Variants in PZP observed in about 807,000 individuals in gnomAD.
The protein encoded by PZP is pregnancy zone protein.
A neutral mutation model predicts 179.8 loss-of-function variants in PZP; 150 were observed. The observed-to-expected ratio is 0.83, with a 90% CI of 0.73 to 0.96. The LOEUF is 0.96. Among genes scored for constraint, PZP ranks in the 40% least tolerant of loss-of-function variants. The pLI is 0.00. For missense variants in PZP, 1,689 were observed against 1,764.0 expected (o/e 0.96, Z 0.76); for synonymous variants, 624 against 652.3 (o/e 0.96, Z 0.66).
intron 19 of PZP, 132 bp downstream of exon 19, chr12:9,165,007 G>T: frequency 1.8e-6 from 2 of 1,100,802 alleles, no homozygotes; most frequent in South Asian, 1.5e-5. Context: ...GCTTTGCATA[G>T]CACTAATTAT....
In PZP at chr12:9,165,168, C is replaced by T. The variant is rs1941493589; in HGVS notation, c.2458G>A (p.Val820Ile). ...RGEVFTLKAT[V>I]LNYLPKCIRV... Reference sequence around the variant, plus strand: ...ATGCATTTGGGAAGGTAGTTTAGGACCGTGGCCTTGAGTGTGAAGACCTCT... The same window carrying T: ...ATGCATTTGGGAAGGTAGTTTAGGATCGTGGCCTTGAGTGTGAAGACCTCT... Residue 820 changes from valine to isoleucine, a missense_variant, in exon 19 of 36, where the codon GTC becomes ATC. Physicochemically the swap from Val to Ile is conservative, Grantham distance 29. This residue lies in a region of PZP where 201 missense variants were observed against 284.2 expected (regional missense o/e 0.71). Coordinates refer to ENST00000261336, the MANE Select transcript of PZP (RefSeq NM_002864.3). 6.2e-7 allele frequency: 1 copy of T among 1,614,104 alleles called. No homozygotes were observed. The highest frequency in any genetic ancestry group is 8.5e-7 in the Non-Finnish European group (1 of 1,179,966).
At chr12:9,142,882 T>C in the PZP span, among the ~76,000 whole-genome samples, 1 of 152,224 alleles carries the variant, frequency 6.6e-6, no homozygotes, top group Admixed American at 6.5e-5. Context: ...TTGTGGCAAC[T>C]TTTCTGTTTT....
In PZP at chr12:9,192,679, C is replaced by A; in HGVS notation, c.1315G>T (p.Gly439Cys). The change falls in exon 12 of 36, where the codon GGT becomes TGT. Residue 439 changes from glycine to cysteine, a missense_variant. This residue lies in a region of PZP where 742 missense variants were observed against 730.5 expected (regional missense o/e 1.02). Transcript: ENST00000261336. ...HYSWVAEDHQ[G>C]AQHTANRVFS... ...ACACGATTTGCAGTGTGCTGAGCAC[C>A]CTGGTGGTCTTCTGCTACCCATGAA... is the stretch of plus-strand genomic sequence containing the variant. 1.2e-6 allele frequency: 2 copies of A among 1,613,946 alleles called. No homozygotes were observed. The highest frequency in any genetic ancestry group is 1.7e-6 in the Non-Finnish European group (2 of 1,179,826).
Position 9,197,683 on chromosome 12 carries a change from A to G in PZP, c.756-560T>C, listed in dbSNP as rs1377548367. Among the ~76,000 whole-genome samples, 7 of 96,732 alleles carry G rather than the reference A, an allele frequency of 7.2e-5. 1 individual carries two copies. Among genetic ancestry groups the G allele is most frequent in the Non-Finnish European group, 1.3e-4 (7 of 54,026 alleles). The allele number at this position is 96,732 out of a possible 152,430, so 63.5% of individuals were successfully genotyped here. On this transcript the variant is annotated intron_variant, in intron 7 of 35. Coordinates refer to ENST00000261336, the MANE Select transcript of PZP (RefSeq NM_002864.3). ...AAAATTATTATATATATTATACAATACATAATATATATAATTATATATTAT... is the reference window on the plus strand; with the variant it reads ...AAAATTATTATATATATTATACAATGCATAATATATATAATTATATATTAT...
At chr12:9,159,589 C>T (rs933393770) in intron 25 of PZP, among the ~76,000 whole-genome samples, 2 of 151,686 alleles carry the variant, frequency 1.3e-5, no homozygotes, top group Admixed American at 6.6e-5. Flanking sequence ...CTGGTGGCTT[C>T]ATAAGAAGAG....
downstream of PZP, among the ~76,000 whole-genome samples, chr12:9,145,309 AT>A (rs1221605190): frequency 6.6e-6 from 1 of 151,648 alleles, no homozygotes; most frequent in African/African-American, 2.4e-5. Flanking sequence ...ATATACTTTG[AT>A]TTTTAAATCT....
At chr12:9,197,647 T>C in intron 7 of PZP, among the ~76,000 whole-genome samples, 1 of 99,488 alleles carries the variant, frequency 1.0e-5, no homozygotes, top group East Asian at 2.5e-4. Context: ...TTATATTATA[T>C]AATATAATAT....
rs1348936037 is a variant in PZP at position 9,163,447 on chromosome 12, C to T, written c.2736+221G>A. 5.9e-5 allele frequency among the ~76,000 whole-genome samples: 8 copies of T among 135,808 alleles called. No individual in the cohort carries two copies. The East Asian group carries it at 1.3e-3, about 22-fold the overall frequency. 89.1% of individuals were successfully genotyped at this position (135,808 alleles called of 152,430 possible). A position where few individuals can be genotyped will look rare whatever the true frequency, so the allele number is the denominator to read the frequency against. On this transcript the variant is annotated intron_variant, in intron 21 of 35. Transcript: ENST00000261336. ...CAGCCTGTGCAACAGAGCAAAACTC[C>T]GTCTCAAAAAAAAAAAAGGAAATTG...
intron 34 of PZP, 64 bp from the exon 35 acceptor site, chr12:9,149,666 C>G: frequency 6.5e-7 from 1 of 1,533,398 alleles, no homozygotes; most frequent in Non-Finnish European, 8.9e-7. Context: ...CATGCTAAAT[C>G]TGTCTAGTCA....
the PZP span, among the ~76,000 whole-genome samples, chr12:9,142,699 A>G: frequency 6.6e-6 from 1 of 152,214 alleles, no homozygotes; most frequent in African/African-American, 2.4e-5. Flanking sequence ...TAATTTTCCA[A>G]TTGGATTATT....
At chr12:9,139,662 C>T in the PZP span, among the ~76,000 whole-genome samples, 1 of 151,992 alleles carries the variant, frequency 6.6e-6, no homozygotes, top group Admixed American at 6.5e-5. Context: ...TTGAATTGAC[C>T]CTTTTATCAT....
rs767775371 is a variant in PZP at position 9,202,681 on chromosome 12, G to A, written c.271C>T (p.Pro91Ser). The A allele has an allele frequency of 1.9e-6, 3 of 1,612,980 alleles. No homozygotes were observed. Among genetic ancestry groups the A allele is most frequent in the East Asian group, 4.5e-5 (2 of 44,878 alleles). Residue 91 changes from proline to serine, a missense_variant, in exon 3 of 36, where the codon CCA (proline) becomes TCA (serine). Transcript: ENST00000261336. ...DLFHCVSFTL[P>S]RISASSEVAF... ...ACCTCTGAAGAGGCTGAGATCCTTG[G>A]GAGCTAAAAAGCAAAGGATTTTTTA... is the stretch of plus-strand genomic sequence containing the variant.
intron 14 of PZP, 84 bp downstream of exon 14, chr12:9,181,891 G>A: frequency 2.8e-6 from 4 of 1,450,804 alleles, no homozygotes; most frequent in Non-Finnish European, 3.7e-6. Flanking sequence ...TACTTTTCTG[G>A]ACTTAGTTTT....
chr12:9,197,046 T>C lies in PZP; in HGVS notation c.833A>G (p.Asp278Gly), dbSNP rs1478374078. The change falls in exon 8 of 36, where the codon GAC becomes GGC. Residue 278 changes from aspartate (D) to glycine (G), a missense_variant. Transcript: ENST00000261336. ...CRKLSRVLNC[D>G]KQEVCEEFSQ... ...GAATTCCTCACAGACCTCCTGCTTGTCACAATTAAGAACACGAGATAATTT... is the reference window on the plus strand; with the variant it reads ...GAATTCCTCACAGACCTCCTGCTTGCCACAATTAAGAACACGAGATAATTT... 6.2e-7 allele frequency: 1 copy of C among 1,613,512 alleles called. No individual in the cohort carries two copies. The highest frequency in any genetic ancestry group is 8.5e-7 in the Non-Finnish European group (1 of 1,179,698).
chr12:9,164,414 A>G (rs1941440101), intron 19 of PZP, among the ~76,000 whole-genome samples, 155 bp from the exon 20 acceptor site: 1 of 152,246 alleles, frequency 6.6e-6, no homozygotes, highest in Non-Finnish European at 1.5e-5. Flanking sequence ...GAAGCATGGC[A>G]ATGGCAATGA....
rs755733989 is a variant in PZP at position 9,165,302 on chromosome 12, G to T, written c.2324C>A (p.Ala775Asp). ...TCCAGCATCTTCGGACAGGCAGAAG[G>T]CCCCTGCCTTCCACTCGGTGATGGT... ...PDTITEWKAGAFCLSEDAGLG... is the reference protein window; with the variant it reads ...PDTITEWKAGDFCLSEDAGLG... Residue 775 changes from alanine (A) to aspartate (D), a missense_variant, in exon 19 of 36, where the codon GCC (alanine) becomes GAC (aspartate). This residue lies in a region of PZP where 201 missense variants were observed against 284.2 expected (regional missense o/e 0.71). Transcript: ENST00000261336. 5.6e-6 allele frequency: 9 copies of T among 1,614,120 alleles called. No individual in the cohort carries two copies. Among genetic ancestry groups the T allele is most frequent in the South Asian group, 2.2e-5 (2 of 91,078 alleles).
chr12:9,165,289 G>A lies in PZP; in HGVS notation c.2337C>T (p.Ser779=), dbSNP rs2277412. 652,207 of 1,594,002 alleles carry A rather than the reference G, an allele frequency of 0.41. 138,936 individuals are homozygous for A. The highest frequency in any genetic ancestry group is 0.46 in the East Asian group (20,463 of 44,590). ...AAGAGATACCAAGTCCAGCATCTTCGGACAGGCAGAAGGCCCCTGCCTTCC... is the reference window on the plus strand; with the variant it reads ...AAGAGATACCAAGTCCAGCATCTTCAGACAGGCAGAAGGCCCCTGCCTTCC... ...TEWKAGAFCL[S]EDAGLGISST... is the part of the protein sequence containing the mutation. Residue 779 remains serine, a synonymous_variant, in exon 19 of 36, where the codon TCC becomes TCT. Coordinates refer to ENST00000261336, the MANE Select transcript of PZP (RefSeq NM_002864.3).
intron 15 of PZP, among the ~76,000 whole-genome samples, chr12:9,172,662 A>G (rs1368181615): frequency 6.6e-6 from 1 of 152,046 alleles, no homozygotes; most frequent in Non-Finnish European, 1.5e-5. Context: ...CAAATGGAAA[A>G]CAGAAAAAAG....
intron 1 of PZP, among the ~76,000 whole-genome samples, chr12:9,205,746 T>G (rs1944412541): frequency 1.3e-5 from 2 of 152,204 alleles, no homozygotes; most frequent in South Asian, 4.1e-4. Flanking sequence ...CATAAACTCT[T>G]ACTTTTTAAA....
Sources: gnomAD v4.1 joint callset for allele counts (sites outside exome capture counted in the v4.1 genomes callset) on GRCh38, gnomAD v4.1.1 for gene constraint, gnomAD v4.1.1 regional missense constraint, MANE v1.5 for transcripts, NCBI Gene and HGNC (gene_info 2026-07-23, HGNC 2026-07-21) for gene names.